PLA2G4C: variants seen among roughly 807,000 people sequenced by gnomAD.
The protein encoded by PLA2G4C is phospholipase A2 group IVC.
Under a neutral mutation model 73.8 loss-of-function variants are expected in PLA2G4C, and 64 were observed. The ratio of observed to expected loss-of-function variants is 0.87; its 90% CI spans 0.71 to 1.07. The LOEUF is 1.07. PLA2G4C is among the 50% of genes least tolerant of loss of function. PLA2G4C has a pLI of 0.00. For missense variants in PLA2G4C, 622 were observed against 665.4 expected, an observed-to-expected ratio of 0.93 and a Z score of 0.72; for synonymous variants, 254 against 252.1, an observed-to-expected ratio of 1.01 and a Z score of -0.07.
At chr19:48,062,855 A>C (rs1782798535) in intron 13 of PLA2G4C, among the ~76,000 whole-genome samples, 1 of 152,154 alleles carries the variant, frequency 6.6e-6, no homozygotes, top group Non-Finnish European at 1.5e-5. Flanking sequence ...AAGGATGCAC[A>C]ACCGTGACAC....
chr19:48,105,555 G>A (rs935348095), intron 2 of PLA2G4C, 111 bp from the exon 3 acceptor site: 33 of 739,526 alleles, frequency 4.5e-5, no homozygotes, highest in Non-Finnish European at 6.8e-5. Flanking sequence ...CAGCCCACGG[G>A]TACATGGTTT....
chr19:48,099,566 C>T lies in PLA2G4C; in HGVS notation c.447+105G>A, dbSNP rs996589171. The T allele has an allele frequency of 5.3e-6, 4 of 751,480 alleles. No homozygotes were observed. In the African/African-American group the frequency reaches 7.1e-5, roughly 13 times the overall value. The allele number at this position is 751,480 out of a possible 1,614,324, so 46.6% of individuals were successfully genotyped here. On this transcript the variant is annotated intron_variant, in intron 5 of 16. Coordinates refer to ENST00000599921, the MANE Select transcript of PLA2G4C (RefSeq NM_003706.3). ...CCCAGATTTTGATGACTTGAAAATC[C>T]TGAAGGACTTAAAAGGTGGTGCTGG... is the stretch of plus-strand genomic sequence containing the variant.
intron 11 of PLA2G4C, among the ~76,000 whole-genome samples, chr19:48,075,502 T>A (rs1225151612): frequency 1.3e-5 from 2 of 152,052 alleles, no homozygotes; most frequent in African/African-American, 4.8e-5. Flanking sequence ...CTCTTATTTT[T>A]ATCCACACTC....
At chr19:48,079,059 G>A (rs1442733060) in intron 10 of PLA2G4C, among the ~76,000 whole-genome samples, 1 of 151,952 alleles carries the variant, frequency 6.6e-6, no homozygotes, top group Non-Finnish European at 1.5e-5. Context: ...GTAGAGATGG[G>A]GTTTCGCCAT....
rs11564663 is a variant in PLA2G4C at position 48,049,755 on chromosome 19, G to A, written c.1581-1367C>T. On this transcript the variant is annotated intron_variant, in intron 16 of 16. Transcript: ENST00000599921. Reference sequence around the variant, plus strand: ...CCTGAGTTCTACAGGTGAGAAGGTGGGGAGTGGACAGGCACAGAGGAAAAT... The same window carrying A: ...CCTGAGTTCTACAGGTGAGAAGGTGAGGAGTGGACAGGCACAGAGGAAAAT... 4.1e-3 allele frequency among the ~76,000 whole-genome samples: 620 copies of A among 152,292 alleles called. 3 individuals carry two copies. Among genetic ancestry groups the A allele is most frequent in the African/African-American group, 0.014 (598 of 41,560 alleles).
rs2030035565 is a variant in PLA2G4C at position 48,074,881 on chromosome 19, C to T, written c.899-7G>A. 1 of 1,580,322 alleles carries T rather than the reference C, an allele frequency of 6.3e-7. No individual in the cohort carries two copies. Among genetic ancestry groups the T allele is most frequent in the South Asian group, 1.2e-5 (1 of 86,516 alleles). On this transcript the variant is annotated splice_polypyrimidine_tract_variant and splice_region_variant and intron_variant, in intron 11 of 16. Coordinates refer to ENST00000599921, the MANE Select transcript of PLA2G4C (RefSeq NM_003706.3). ...TCAGGCTCACCGCCTTCATCTACGT[C>T]AAGAAATCCAGGTGGTCTCAGACAC...
At chr19:48,070,908 A>G (rs970774472) in intron 12 of PLA2G4C, among the ~76,000 whole-genome samples, 1 of 118,168 alleles carries the variant, frequency 8.5e-6, no homozygotes, top group Non-Finnish European at 1.8e-5. Context: ...ATTAAATTAA[A>G]TTTTAAAAAA....
At chr19:48,092,053 T>C (rs2122637352) in intron 7 of PLA2G4C, among the ~76,000 whole-genome samples, 1 of 136,902 alleles carries the variant, frequency 7.3e-6, no homozygotes, top group Non-Finnish European at 1.6e-5. Context: ...GGTATGGTCG[T>C]TCCTCAAAAA....
At chr19:48,050,673 C>CTTTT (rs5828330) in intron 16 of PLA2G4C, among the ~76,000 whole-genome samples, 1,743 of 78,714 alleles carry the variant, frequency 0.022, 184 homozygotes, top group African/African-American at 0.058. Flanking sequence ...GAGTATGTGA[C>CTTTT]TTTTTTTTTT....
rs1431817931 is a variant in PLA2G4C at position 48,054,863 on chromosome 19, C to T, written c.1429+15G>A. On this transcript the variant is annotated intron_variant, in intron 15 of 16. Transcript: ENST00000599921. Reference sequence around the variant, plus strand: ...AATACAGGTGGCTTCTCACCTGCTCCTCCCCTGCACCTACCTCCACAGGCA... The same window carrying T: ...AATACAGGTGGCTTCTCACCTGCTCTTCCCCTGCACCTACCTCCACAGGCA... The T allele has an allele frequency of 6.2e-6, 10 of 1,613,180 alleles. No individual in the cohort carries two copies. The highest frequency in any genetic ancestry group is 5.0e-5 in the Admixed American group (3 of 59,990).
chr19:48,106,995 C>T (rs1445773693), intron 1 of PLA2G4C, among the ~76,000 whole-genome samples: 1 of 152,112 alleles, frequency 6.6e-6, no homozygotes, highest in African/African-American at 2.4e-5. Flanking sequence ...CAGGCATGCA[C>T]CACCATGCCC....
chr19:48,082,402 C>T (rs573695730), intron 10 of PLA2G4C, among the ~76,000 whole-genome samples: 3 of 151,448 alleles, frequency 2.0e-5, no homozygotes, highest in Admixed American at 6.6e-5. Context: ...TGATACACGT[C>T]GGTTAGGTCA....
chr19:48,070,874 T>C (rs748115153), intron 12 of PLA2G4C, among the ~76,000 whole-genome samples: 1 of 152,176 alleles, frequency 6.6e-6, no homozygotes, highest in Non-Finnish European at 1.5e-5. Context: ...CTGCATGTCC[T>C]GCACATGTAT....
chr19:48,083,209 T>C (rs1287400229), intron 10 of PLA2G4C, among the ~76,000 whole-genome samples: 2 of 152,150 alleles, frequency 1.3e-5, no homozygotes, highest in Non-Finnish European at 2.9e-5. Flanking sequence ...CTAAGTACTT[T>C]ACATACATGA....
intron 10 of PLA2G4C, among the ~76,000 whole-genome samples, chr19:48,084,775 GGCA>G (rs763380679): frequency 2.0e-5 from 3 of 152,182 alleles, no homozygotes; most frequent in Admixed American, 6.6e-5. Flanking sequence ...ATGGCACAGA[GGCA>G]GAAACTGAGG....
intron 6 of PLA2G4C, chr19:48,096,704 C>T (rs2031587354): frequency 6.6e-6 from 1 of 152,200 alleles, no homozygotes; most frequent in Non-Finnish European, 1.5e-5. Context: ...CTTACCAGGA[C>T]ACAGTTGCTG....
At chr19:48,053,309 G>A (rs554706596) in intron 15 of PLA2G4C, among the ~76,000 whole-genome samples, 162 bp from the exon 16 acceptor site, 55 of 151,314 alleles carry the variant, frequency 3.6e-4, no homozygotes, top group African/African-American at 1.3e-3. Context: ...ATTGACACAT[G>A]AGGTTATGGA....
chr19:48,048,255 T>C lies in PLA2G4C; in HGVS notation c.*88A>G. The C allele has an allele frequency of 5.4e-6, 5 of 932,730 alleles. No homozygotes were observed. The highest frequency in any genetic ancestry group is 6.7e-6 in the Non-Finnish European group (4 of 593,048). The allele number at this position is 932,730 out of a possible 1,614,324, so 57.8% of individuals were successfully genotyped here. On this transcript the variant is annotated 3_prime_UTR_variant, in exon 17 of 17. Transcript: ENST00000599921. Reference sequence around the variant, plus strand: ...AACTCAAGGCCATGAAGCGTGTGGCTGAAGGGAGTGAAGAACAGGAAGGCC... The same window carrying C: ...AACTCAAGGCCATGAAGCGTGTGGCCGAAGGGAGTGAAGAACAGGAAGGCC...
intron 4 of PLA2G4C, among the ~76,000 whole-genome samples, chr19:48,102,527 A>T (rs571737310): frequency 1.3e-5 from 2 of 152,146 alleles, no homozygotes; most frequent in Admixed American, 1.3e-4. Context: ...AAGAAAGAAA[A>T]TTTAAAATGA....
Sources: gnomAD v4.1 joint callset for allele counts (sites outside exome capture counted in the v4.1 genomes callset) on GRCh38, gnomAD v4.1.1 for gene constraint, MANE v1.5 for transcripts, NCBI Gene and HGNC (gene_info 2026-07-23, HGNC 2026-07-21) for gene names.